The following KAZN variants were observed in gnomAD, a reference collection of about 807,000 sequenced individuals.
The protein encoded by KAZN is kazrin, periplakin interacting protein.
Under a neutral mutation model 87.4 loss-of-function variants are expected in KAZN, and 40 were observed. The observed-to-expected ratio is 0.46, with a 90% CI of 0.36 to 0.60. The LOEUF is 0.60. Among genes scored for constraint, KAZN ranks in the 20% least tolerant of loss-of-function variants. KAZN has a pLI of 0.00. For missense variants in KAZN, 898 were observed against 1,073.9 expected (o/e 0.84, Z 2.29); for synonymous variants, 466 against 458.3 (o/e 1.02, Z -0.22).
At chr1:15,028,777 C>T (rs887815048) in intron 2 of KAZN, among the ~76,000 whole-genome samples, 1 of 152,186 alleles carries the variant, frequency 6.6e-6, no homozygotes, top group Non-Finnish European at 1.5e-5. Flanking sequence ...CAGAGGTGGG[C>T]AGAGCGAGGA....
chr1:14,188,179 A>G (rs1030957476), intron 2 of KAZN, among the ~76,000 whole-genome samples: 1 of 145,522 alleles, frequency 6.9e-6, no homozygotes, highest in Non-Finnish European at 1.5e-5. Context: ...GGGGATGGAG[A>G]GAGAGAGAGA....
Position 14,307,942 on chromosome 1 carries a change from T to C in KAZN, c.249+127350T>C, listed in dbSNP as rs114351023. Among the ~76,000 whole-genome samples, 1,134 of 152,328 alleles carry C rather than the reference T, an allele frequency of 7.4e-3. 15 individuals carry two copies. Among genetic ancestry groups the C allele is most frequent in the African/African-American group, 0.026 (1,076 of 41,578 alleles). ...AATATTGGGACAACAGAACATCTCA[T>C]GTCTCCTACTGTGATGCGCTGAGGA... On this transcript the variant is annotated intron_variant, in intron 2 of 16. Coordinates refer to the KAZN transcript ENST00000636203.
At chr1:15,100,598 C>A (rs1457583526) in intron 10 of KAZN, among the ~76,000 whole-genome samples, 1 of 152,230 alleles carries the variant, frequency 6.6e-6, no homozygotes, top group Non-Finnish European at 1.5e-5. Flanking sequence ...ACACATTCAC[C>A]GGCTTGAAAA....
intron 2 of KAZN, among the ~76,000 whole-genome samples, chr1:14,542,125 G>A (rs1221168670): frequency 6.6e-5 from 10 of 152,146 alleles, no homozygotes; most frequent in African/African-American, 1.4e-4. Context: ...ATTTGCTCAC[G>A]TAAGACCTGT....
intron 1 of KAZN, among the ~76,000 whole-genome samples, chr1:14,045,856 A>C (rs946142107): frequency 6.6e-6 from 1 of 152,160 alleles, no homozygotes; most frequent in African/African-American, 2.4e-5. Flanking sequence ...GATAACCATT[A>C]CTCCTGTACT....
At chr1:14,521,969 A>T (rs1028960228) in intron 2 of KAZN, among the ~76,000 whole-genome samples, 1 of 152,178 alleles carries the variant, frequency 6.6e-6, no homozygotes, top group South Asian at 2.1e-4. Context: ...AAAGAATGTG[A>T]ACTTTTGAGA....
At chr1:14,059,449 G>T (rs1284651585) in intron 1 of KAZN, among the ~76,000 whole-genome samples, 1 of 152,186 alleles carries the variant, frequency 6.6e-6, no homozygotes, top group Non-Finnish European at 1.5e-5. Flanking sequence ...GAAAAAGAAA[G>T]GAGCCAGAAG....
intron 1 of KAZN, among the ~76,000 whole-genome samples, chr1:14,081,779 G>A (rs1643682535): frequency 2.6e-5 from 4 of 151,976 alleles, no homozygotes; most frequent in Admixed American, 2.6e-4. Context: ...TTGAGACATA[G>A]TCTCATTCTT....
chr1:15,008,563 T>G (rs1669261805), intron 2 of KAZN, among the ~76,000 whole-genome samples: 1 of 152,190 alleles, frequency 6.6e-6, no homozygotes, highest in African/African-American at 2.4e-5. Flanking sequence ...CAGAGGTCAT[T>G]TCATGTGACC....
intron 1 of KAZN, among the ~76,000 whole-genome samples, chr1:14,944,367 T>C (rs1661492153): frequency 6.6e-6 from 1 of 152,208 alleles, no homozygotes; most frequent in African/African-American, 2.4e-5. Flanking sequence ...TCCTGAAAGG[T>C]TGTGGCCTGA....
Position 14,064,666 on chromosome 1 carries a change from A to G in KAZN, c.92-115769A>G, listed in dbSNP as rs1227060049. On this transcript the variant is annotated intron_variant, in intron 1 of 16. Transcript: ENST00000636203. ...TCCTGGGCCAGAGGGTGTGCGCCTG[A>G]GAGCACGAGGGTGGGGGTGGGCGAG... 4.6e-5 allele frequency among the ~76,000 whole-genome samples: 7 copies of G among 151,824 alleles called. No homozygotes were observed. The East Asian group carries it at 1.4e-3, about 30-fold the overall frequency.
intron 2 of KAZN, among the ~76,000 whole-genome samples, chr1:14,550,720 T>TCTCTCC: frequency 1.2e-5 from 1 of 80,688 alleles, no homozygotes; most frequent in Non-Finnish European, 2.9e-5. Flanking sequence ...TCTCTCTCTC[T>TCTCTCC]CTCTCTCTCT....
chr1:14,904,549 C>T (rs1239684122), intron 1 of KAZN, among the ~76,000 whole-genome samples: 5 of 152,194 alleles, frequency 3.3e-5, no homozygotes, highest in Admixed American at 3.3e-4. Flanking sequence ...CTGCAGATGT[C>T]TGCACGCACT....
At chr1:14,736,607 G>A (rs536588305) in intron 1 of KAZN, among the ~76,000 whole-genome samples, 4 of 151,650 alleles carry the variant, frequency 2.6e-5, no homozygotes, top group South Asian at 4.2e-4. Context: ...CACCACTCTC[G>A]GCCAAGGGTG....
chr1:13,956,727 A>G (rs1641565213), intron 1 of KAZN, among the ~76,000 whole-genome samples: 1 of 152,070 alleles, frequency 6.6e-6, no homozygotes, highest in South Asian at 2.1e-4. Context: ...GTTGGGAAAA[A>G]ATTATTACTT....
chr1:14,071,154 G>C (rs896305436), intron 1 of KAZN, among the ~76,000 whole-genome samples: 1 of 152,068 alleles, frequency 6.6e-6, no homozygotes, highest in Non-Finnish European at 1.5e-5. Context: ...TCAAGCACAA[G>C]ACAGCTGTAG....
upstream of KAZN, among the ~76,000 whole-genome samples, chr1:14,596,999 A>G (rs1676551205): frequency 6.6e-6 from 1 of 152,210 alleles, no homozygotes; most frequent in Admixed American, 6.5e-5. Context: ...CTGTTCAAGG[A>G]ACTGCTAATA....
intron 4 of KAZN, among the ~76,000 whole-genome samples, chr1:15,045,445 TA>T (rs367842613): frequency 9.2e-4 from 140 of 152,284 alleles, no homozygotes; most frequent in African/African-American, 3.1e-3. Context: ...ACGCAGGGCT[TA>T]GGGGTGCCGA....
rs1016351086 is a variant in KAZN, at chr1:14,092,893, T to A, written c.92-87542T>A. Among the ~76,000 whole-genome samples the A allele has an allele frequency of 4.6e-5, 7 of 152,210 alleles. No homozygotes were observed. In the East Asian group the frequency reaches 1.2e-3, roughly 25 times the overall value. ...AATAAAGATGCAATTTATGAAATAA[T>A]CGTATTTAGGAGCTATCTCTCTGAA... On this transcript the variant is annotated intron_variant, in intron 1 of 16. Transcript: ENST00000636203.
Sources: gnomAD v4.1 joint callset for allele counts (sites outside exome capture counted in the v4.1 genomes callset) on GRCh38, gnomAD v4.1.1 for gene constraint, MANE v1.5 for transcripts, NCBI Gene and HGNC (gene_info 2026-07-23, HGNC 2026-07-21) for gene names.